CUX1: variants seen among roughly 807,000 people sequenced by gnomAD.
CUX1 encodes protein CASP.
A neutral mutation model predicts 158.8 loss-of-function variants in CUX1; 31 were observed. That is an observed-to-expected ratio of 0.20 (90% CI 0.15 to 0.26). CUX1 has a LOEUF of 0.26. Ranked by LOEUF, CUX1 falls within the 10% of genes least tolerant of loss-of-function variation. CUX1 has a pLI of 1.00. For missense variants in CUX1, 1,589 were observed against 2,014.6 expected, an observed-to-expected ratio of 0.79 and a Z score of 4.04; for synonymous variants, 879 against 862.1, an observed-to-expected ratio of 1.02 and a Z score of -0.34.
chr7:102,217,649 G>A (rs1480767679), intron 20 of CUX1, among the ~76,000 whole-genome samples: 1 of 151,460 alleles, frequency 6.6e-6, no homozygotes, highest in South Asian at 2.1e-4. Flanking sequence ...GCTCTGGATG[G>A]AAGCAATGGT....
rs560330065 is a variant in CUX1, at chr7:101,983,459, T to G, written c.142-44639T>G. On this transcript the variant is annotated intron_variant, in intron 2 of 23. Transcript: ENST00000292535. ...CCCACCCTGGGGTGCCCTGGGCCCA[T>G]GGCCACTGACTGCAGTGAACAATTA... is the stretch of plus-strand genomic sequence containing the variant. 1.4e-4 allele frequency among the ~76,000 whole-genome samples: 22 copies of G among 152,262 alleles called. No homozygotes were observed. The South Asian group carries it at 4.6e-3, about 32-fold the overall frequency.
chr7:102,207,608 C>T (rs1458976979), intron 20 of CUX1, among the ~76,000 whole-genome samples: 2 of 152,104 alleles, frequency 1.3e-5, no homozygotes, highest in South Asian at 2.1e-4. Flanking sequence ...CCCATCACCA[C>T]GCCCGGCTAA....
At position 101,924,025 on chromosome 7, in the gene CUX1, T is replaced by G. The variant is rs941450748; in HGVS notation, c.141+7800T>G. The stretch of plus-strand genomic sequence containing the variant: ...AGGAATCTTTTACCATCGTTGAAAT[T>G]GGCTAGATTTGTGGATTCCTTCCCG... On this transcript the variant is annotated intron_variant, in intron 2 of 23. Coordinates refer to ENST00000292535, the MANE Select transcript of CUX1 (RefSeq NM_181552.4). 1.2e-3 allele frequency among the ~76,000 whole-genome samples: 176 copies of G among 152,190 alleles called. 1 individual carries two copies. The highest frequency in any genetic ancestry group is 3.2e-4 in the Non-Finnish European group (22 of 68,040).
At chr7:102,158,464 C>T in intron 8 of CUX1, 96 bp from the exon 9 acceptor site, 1 of 1,244,970 alleles carries the variant, frequency 8.0e-7, no homozygotes, top group Non-Finnish European at 1.2e-6. Context: ...GTCTGCACAG[C>T]CCTTCCCGAG....
Position 102,258,217 on chromosome 7 carries a change from CTT to C in CUX1, c.*9178_*9179del, listed in dbSNP as rs1554542776. 1.0e-6 allele frequency: 1 copy of C among 979,036 alleles called. No homozygotes were observed. Among genetic ancestry groups the C allele is most frequent in the East Asian group, 1.1e-4 (1 of 8,806 alleles). 60.6% of individuals were successfully genotyped at this position (979,036 alleles called of 1,614,324 possible). A position where few individuals can be genotyped will look rare whatever the true frequency, so the allele number is the denominator to read the frequency against. ...TAGGTGTGATAATTGAAGTAAATAT[CTT>C]TTATACAAACACAAGAATGTGTGGG... is the stretch of plus-strand genomic sequence containing the variant. On this transcript the variant is annotated 3_prime_UTR_variant, in exon 24 of 24. Coordinates refer to ENST00000292535, the MANE Select transcript of CUX1 (RefSeq NM_181552.4).
intron 4 of CUX1, among the ~76,000 whole-genome samples, chr7:102,084,858 CTTTTTTTTTTT>C (rs60908109): frequency 1.8e-5 from 1 of 56,046 alleles, no homozygotes; most frequent in Non-Finnish European, 3.3e-5. Context: ...ATTTTCCTTG[CTTTTTTTTTTT>C]TTTTTTTTTT....
intron 2 of CUX1, among the ~76,000 whole-genome samples, chr7:101,986,136 T>C (rs976693045): frequency 6.6e-6 from 1 of 152,202 alleles, no homozygotes; most frequent in Admixed American, 6.5e-5. Context: ...TCAGGAACGC[T>C]TACAGATAGA....
chr7:102,140,368 C>T (rs1834313281), intron 8 of CUX1, among the ~76,000 whole-genome samples: 1 of 152,126 alleles, frequency 6.6e-6, no homozygotes, highest in South Asian at 2.1e-4. Context: ...GCCTCAGCCT[C>T]CCAAGTAGCT....
At chr7:101,882,390 A>C (rs1799808612) in intron 1 of CUX1, among the ~76,000 whole-genome samples, 1 of 152,066 alleles carries the variant, frequency 6.6e-6, no homozygotes, top group Non-Finnish European at 1.5e-5. Context: ...TAGTTGGCAA[A>C]AGTGTCTCTT....
At chr7:101,918,846 A>G (rs949046987) in intron 2 of CUX1, among the ~76,000 whole-genome samples, 2 of 152,140 alleles carry the variant, frequency 1.3e-5, no homozygotes, top group Admixed American at 1.3e-4. Context: ...GCAGTGTCAC[A>G]ATCTCGGCTC....
chr7:101,943,961 A>C (rs912276744), intron 2 of CUX1, among the ~76,000 whole-genome samples: 6 of 63,142 alleles, frequency 9.5e-5, no homozygotes, highest in African/African-American at 4.3e-4. Context: ...TCTATTTAAA[A>C]ATTAAAAAAA....
intron 23 of CUX1, among the ~76,000 whole-genome samples, chr7:102,244,532 C>T (rs1800599362): frequency 7.5e-6 from 1 of 133,322 alleles, no homozygotes; most frequent in African/African-American, 2.7e-5. Context: ...ACCACGTCTA[C>T]AAAAAATAGA....
chr7:101,984,321 C>T (rs1007737018), intron 2 of CUX1, among the ~76,000 whole-genome samples: 1 of 150,242 alleles, frequency 6.7e-6, no homozygotes, highest in African/African-American at 2.5e-5. Flanking sequence ...CAGTGGCTGA[C>T]TCACCTTTCC....
chr7:101,949,207 C>T (rs915399112), intron 2 of CUX1, among the ~76,000 whole-genome samples: 1 of 152,016 alleles, frequency 6.6e-6, no homozygotes, highest in Non-Finnish European at 1.5e-5. Context: ...TCTCAGCTCA[C>T]TGCAAGCTCC....
rs570081495 is a variant in CUX1 at position 102,128,079 on chromosome 7, C to T, written c.674+12806C>T. Among the ~76,000 whole-genome samples, 185 of 152,194 alleles carry T rather than the reference C, an allele frequency of 1.2e-3. 1 individual carries two copies. The highest frequency in any genetic ancestry group is 2.2e-3 in the Non-Finnish European group (147 of 67,998). ...CCAAGCTGGTCTGACCTCAGGTGAT[C>T]GGCCCACTTCAGCCTCCAGAAGGGC... On this transcript the variant is annotated intron_variant, in intron 8 of 23. Transcript: ENST00000292535.
intron 2 of CUX1, among the ~76,000 whole-genome samples, chr7:101,946,951 G>A (rs933209020): frequency 2.6e-5 from 4 of 152,134 alleles, no homozygotes; most frequent in African/African-American, 4.8e-5. Flanking sequence ...AGTGCACAGG[G>A]AGAGGAGCCA....
chr7:102,268,472 C>T (rs1438354943), intron 14 of CUX1, among the ~76,000 whole-genome samples: 2 of 152,168 alleles, frequency 1.3e-5, no homozygotes, highest in African/African-American at 4.8e-5. Context: ...TCTCCCCTGC[C>T]TCCTGCTGCC....
At chr7:102,104,243 ACCGATCCTACC>A in intron 5 of CUX1, 82 bp from the exon 6 acceptor site, 1 of 1,281,386 alleles carries the variant, frequency 7.8e-7, no homozygotes, top group Non-Finnish European at 1.1e-6. Flanking sequence ...TTTAAAACAC[ACCGATCCTACC>A]AGGTTATGAG....
intron 2 of CUX1, among the ~76,000 whole-genome samples, chr7:101,989,214 C>G (rs561455600): frequency 3.6e-4 from 55 of 152,270 alleles, no homozygotes; most frequent in African/African-American, 1.3e-3. Context: ...AGCATGCAGG[C>G]CTCCGTCCTC....
Sources: gnomAD v4.1 joint callset for allele counts (sites outside exome capture counted in the v4.1 genomes callset) on GRCh38, gnomAD v4.1.1 for gene constraint, MANE v1.5 for transcripts, NCBI Gene and HGNC (gene_info 2026-07-23, HGNC 2026-07-21) for gene names.